Variants in TTC9B observed in about 807,000 individuals in gnomAD.
TTC9B encodes tetratricopeptide repeat protein 9B.
TTC9B carries 12 observed loss-of-function variants against 19.4 expected under a neutral mutation model. The ratio of observed to expected loss-of-function variants is 0.62; its 90% CI spans 0.40 to 1.00. TTC9B has a LOEUF of 1.00. Ranked by LOEUF, TTC9B falls within the 50% of genes least tolerant of loss-of-function variation. The pLI is 0.00. For missense variants in TTC9B, 316 were observed against 345.2 expected, an observed-to-expected ratio of 0.92 and a Z score of 0.67; for synonymous variants, 156 against 158.6, an observed-to-expected ratio of 0.98 and a Z score of 0.12.
Position 40,217,275 on chromosome 19 carries a change from G to T in TTC9B, c.522C>A (p.Thr174=). 1.2e-6 allele frequency: 2 copies of T among 1,614,062 alleles called. No homozygotes were observed. The highest frequency in any genetic ancestry group is 1.7e-6 in the Non-Finnish European group (2 of 1,179,950). Residue 174 remains threonine, a synonymous_variant, in exon 2 of 3, where the codon ACC becomes ACA. Coordinates refer to ENST00000311308, the MANE Select transcript of TTC9B (RefSeq NM_152479.6). ...GGTAGAAGGCAATGCCGGCACGGTA[G>T]GTGGCCTTGAAGTTGCCCTGCTGCT... ...LEKQQGNFKA[T]YRAGIAFYHL...
In TTC9B at chr19:40,216,160, GC is replaced by G; in HGVS notation, c.*2del. ...GGGATAGAGAGGTCCCCCTGGATTG[GC>G]CTCAGCCAATTACATCCCGAGTCTG... On this transcript the variant is annotated 3_prime_UTR_variant, in exon 3 of 3. Coordinates refer to ENST00000311308, the MANE Select transcript of TTC9B (RefSeq NM_152479.6). 1 of 1,613,402 alleles carries G rather than the reference GC, an allele frequency of 6.2e-7. No homozygotes were observed. The highest frequency in any genetic ancestry group is 8.5e-7 in the Non-Finnish European group (1 of 1,179,346).
chr19:40,217,523 G>A, intron 1 of TTC9B, 154 bp from the exon 2 acceptor site: 2 of 950,486 alleles, frequency 2.1e-6, no homozygotes, highest in Non-Finnish European at 3.0e-6. Context: ...ATCGAAACAG[G>A]CGCAACTGCG....
intron 2 of TTC9B, chr19:40,216,899 G>A (rs1427446574): frequency 7.3e-6 from 4 of 548,246 alleles, no homozygotes; most frequent in African/African-American, 5.7e-5. Flanking sequence ...GACTGAGCAG[G>A]TGAATAGGAG....
chr19:40,217,872 A>C, intron 1 of TTC9B, 83 bp downstream of exon 1: 2 of 1,284,710 alleles, frequency 1.6e-6, no homozygotes, highest in Non-Finnish European at 1.0e-6. Flanking sequence ...CTTCAGCCCC[A>C]GGGCCCCTGG....
intron 1 of TTC9B, chr19:40,217,606 G>C: frequency 1.8e-6 from 1 of 570,606 alleles, no homozygotes; most frequent in Non-Finnish European, 3.0e-6. Context: ...GTGGGCAAGA[G>C]CACTAAGGCC....
At position 40,217,361 on chromosome 19, in the gene TTC9B, G is replaced by A. The variant is rs760320945; in HGVS notation, c.436C>T (p.Leu146=). 1.9e-6 allele frequency: 3 copies of A among 1,611,788 alleles called. No homozygotes were observed. In the African/African-American group the frequency reaches 4.0e-5, roughly 22 times the overall value. Residue 146 remains leucine (L), a synonymous_variant, in exon 2 of 3, where the codon CTG becomes TTG. Transcript: ENST00000311308. ...ECYDSLTACL[L]QSELVNYERV... is the part of the protein sequence containing the mutation. ...TCGTAGTTTACCAGCTCCGACTGCAGCAGGCAAGCTGCGAGGGCCCCGCGG... is the reference window on the plus strand; with the variant it reads ...TCGTAGTTTACCAGCTCCGACTGCAACAGGCAAGCTGCGAGGGCCCCGCGG...
intron 1 of TTC9B, 187 bp downstream of exon 1, chr19:40,217,768 T>C: frequency 1.8e-6 from 1 of 565,676 alleles, no homozygotes; most frequent in Non-Finnish European, 2.9e-6. Flanking sequence ...GCATCCCAGC[T>C]CCCTCCAGCC....
At chr19:40,217,862 C>T (rs962764117) in intron 1 of TTC9B, 93 bp downstream of exon 1, 45 of 1,219,622 alleles carry the variant, frequency 3.7e-5, no homozygotes, top group Non-Finnish European at 4.8e-5. Flanking sequence ...GCCCTGGACC[C>T]TTCAGCCCCA....
In TTC9B at chr19:40,216,192, C is replaced by T. The variant is rs1973361077; in HGVS notation, c.691G>A (p.Gly231Arg). ...CSLQREDSGAGSQTRDVIG is the reference protein window; with the variant it reads ...CSLQREDSGARSQTRDVIG ...CCAATTACATCCCGAGTCTGGGACC[C>T]AGCCCCACTGTCTTCCCGCTGGAGG... The change falls in exon 3 of 3, where the codon GGG becomes AGG. Residue 231 changes from glycine (G) to arginine (R), a missense_variant. Transcript: ENST00000311308. 2 of 1,614,198 alleles carry T rather than the reference C, an allele frequency of 1.2e-6. No homozygotes were observed. The highest frequency in any genetic ancestry group is 1.7e-5 in the Admixed American group (1 of 60,026).
Position 40,216,230 on chromosome 19 carries a change from A to G in TTC9B, c.653T>C (p.Met218Thr), listed in dbSNP as rs1973362344. The change falls in exon 3 of 3, where the codon ATG becomes ACG. Residue 218 changes from methionine to threonine, a missense_variant. Coordinates refer to ENST00000311308, the MANE Select transcript of TTC9B (RefSeq NM_152479.6). ...LRYIQLTQLKMNRCSLQREDS... is the reference protein window; with the variant it reads ...LRYIQLTQLKTNRCSLQREDS... ...TTCCCGCTGGAGGCTGCAACGATTC[A>G]TCTTCAGCTGAGTCAGCTGGATGTA... is the stretch of plus-strand genomic sequence containing the variant. 3.7e-6 allele frequency: 6 copies of G among 1,614,042 alleles called. No homozygotes were observed. Among genetic ancestry groups the G allele is most frequent in the Middle Eastern group, 1.6e-4 (1 of 6,078 alleles).
intron 2 of TTC9B, 54 bp from the exon 3 acceptor site, chr19:40,216,326 T>C: frequency 7.3e-7 from 1 of 1,378,336 alleles, no homozygotes; most frequent in South Asian, 1.2e-5. Context: ...AGCAGGTGAC[T>C]TCCACACCTC....
intron 1 of TTC9B, 166 bp downstream of exon 1, chr19:40,217,789 G>C (rs1463661919): frequency 6.2e-6 from 4 of 641,446 alleles, no homozygotes; most frequent in East Asian, 6.4e-5. Flanking sequence ...ACAGACCCCT[G>C]TCATCCCCTA....
At chr19:40,216,984 TTGAATGGCGGGTGAAGGGCGGGGTGGA>T in intron 2 of TTC9B, 176 bp downstream of exon 2, 1 of 608,486 alleles carries the variant, frequency 1.6e-6, no homozygotes, top group Non-Finnish European at 2.9e-6. Flanking sequence ...GGACGGATGT[TTGAATGGCGGGTGAAGGGCGGGGTGGA>T]TGAATGGATG....
At position 40,218,059 on chromosome 19, in the gene TTC9B, GC is replaced by G; in HGVS notation, c.322del (p.Ala108ProfsTer44). ...GCTGCTGGTGGGCCCGGGGGCGGGG[GC>G]GGGCAGGCCGCTAGGGCGGGCCCCC... ...AQGARPSGLP[A>X]PAPGPTSSPG... is the part of the protein sequence containing the mutation. On this transcript the variant is annotated frameshift_variant, in exon 1 of 3. Transcript: ENST00000311308. LOFTEE classifies it high-confidence loss of function. The surrounding 1 kb of genome is among the most constrained non-coding windows in gnomAD (Gnocchi z 4.2). The G allele has an allele frequency of 6.6e-7, 1 of 1,520,640 alleles. No homozygotes were observed. Among genetic ancestry groups the G allele is most frequent in the Non-Finnish European group, 8.8e-7 (1 of 1,140,748 alleles). The allele number at this position is 1,520,640 out of a possible 1,614,324, so 94.2% of individuals were successfully genotyped here. A position where few individuals can be genotyped will look rare whatever the true frequency, so the allele number is the denominator to read the frequency against.
chr19:40,217,635 C>G, intron 1 of TTC9B: 1 of 524,866 alleles, frequency 1.9e-6, no homozygotes, highest in Non-Finnish European at 3.3e-6. Context: ...GGGCGAGGGC[C>G]GGGACCTCGA....
Position 40,216,135 on chromosome 19 carries a change from G to A in TTC9B, c.*28C>T. Reference sequence around the variant, plus strand: ...GTTACATGGTGAGGTGGGAGGGCGAGGGATAGAGAGGTCCCCCTGGATTGG... The same window carrying A: ...GTTACATGGTGAGGTGGGAGGGCGAAGGATAGAGAGGTCCCCCTGGATTGG... On this transcript the variant is annotated 3_prime_UTR_variant, in exon 3 of 3. Transcript: ENST00000311308. 6 of 1,577,412 alleles carry A rather than the reference G, an allele frequency of 3.8e-6. No individual in the cohort carries two copies. The highest frequency in any genetic ancestry group is 5.2e-6 in the Non-Finnish European group (6 of 1,146,552).
intron 1 of TTC9B, chr19:40,217,607 C>A (rs1973387638): frequency 3.5e-6 from 2 of 564,156 alleles, no homozygotes; most frequent in Admixed American, 3.3e-5. Flanking sequence ...TGGGCAAGAG[C>A]ACTAAGGCCC....
Position 40,217,206 on chromosome 19 carries a change from G to A in TTC9B, c.591C>T (p.Ala197=), listed in dbSNP as rs1249687585. Residue 197 remains alanine, a synonymous_variant, in exon 2 of 3, where the codon GCC becomes GCT. Transcript: ENST00000311308. ...ACTCACCTGTGGGTTCCCGGCTGCG[G>A]GCCTCCTGCAGGTAGCGCAGCGCGC... The part of the protein sequence containing the change: ...YARALRYLQE[A]RSREPTDTNV... 4 of 1,613,092 alleles carry A rather than the reference G, an allele frequency of 2.5e-6. No homozygotes were observed. The highest frequency in any genetic ancestry group is 3.4e-6 in the Non-Finnish European group (4 of 1,179,784).
chr19:40,216,331 C>T, intron 2 of TTC9B, 59 bp from the exon 3 acceptor site: 2 of 1,335,342 alleles, frequency 1.5e-6, no homozygotes, highest in Non-Finnish European at 2.1e-6. Context: ...GTGACTTCCA[C>T]ACCTCCCTGG....
Sources: allele counts gnomAD v4.1 joint callset, GRCh38; gene constraint gnomAD v4.1.1; non-coding constraint Gnocchi (gnomAD v3.1); transcripts MANE v1.5; gene names NCBI Gene and HGNC (gene_info 2026-07-23, HGNC 2026-07-21).